Variants in EBF2 observed in about 807,000 individuals in gnomAD.
EBF2 encodes the protein EBF transcription factor 2, also known as transcription factor COE2.
Under a neutral mutation model 72.8 loss-of-function variants are expected in EBF2, and 21 were observed. The observed-to-expected ratio is 0.29, with a 90% CI of 0.20 to 0.42. The LOEUF is 0.42. Among genes scored for constraint, EBF2 ranks in the 10% least tolerant of loss-of-function variants. The pLI is 1.00. For missense variants in EBF2, 637 were observed against 731.2 expected, an observed-to-expected ratio of 0.87 and a Z score of 1.49; for synonymous variants, 299 against 274.2, an observed-to-expected ratio of 1.09 and a Z score of -0.89.
chr8:26,023,726 C>A (rs558906073), intron 6 of EBF2, among the ~76,000 whole-genome samples: 3 of 152,202 alleles, frequency 2.0e-5, no homozygotes, highest in Non-Finnish European at 4.4e-5. Flanking sequence ...ACAAAGAAGA[C>A]ACGTACTCAT....
intron 10 of EBF2, among the ~76,000 whole-genome samples, chr8:25,882,460 T>C (rs975913836): frequency 6.6e-6 from 1 of 152,166 alleles, no homozygotes; most frequent in African/African-American, 2.4e-5. Context: ...GTGGTGAAGT[T>C]TTCAGGAACG....
At chr8:25,989,225 C>T (rs7006324) in intron 6 of EBF2, among the ~76,000 whole-genome samples, 95,270 of 152,052 alleles carry the variant, frequency 0.63, 30,324 homozygotes, top group South Asian at 0.78. Flanking sequence ...TGTGACTCTT[C>T]AGGAATGAGT....
chr8:25,987,735 C>T (rs1431199289), intron 6 of EBF2, among the ~76,000 whole-genome samples: 4 of 152,092 alleles, frequency 2.6e-5, no homozygotes, highest in Admixed American at 6.5e-5. Context: ...ACACAAACTG[C>T]ATAAGAACCC....
chr8:25,996,473 C>A (rs1804633612), intron 6 of EBF2, among the ~76,000 whole-genome samples: 1 of 151,718 alleles, frequency 6.6e-6, no homozygotes, highest in South Asian at 2.1e-4. Flanking sequence ...AAAATCAGAA[C>A]TGCAAATTGA....
rs114361713 is a variant in EBF2, at chr8:26,030,582, G to T, written c.551+2503C>A. On this transcript the variant is annotated intron_variant, in intron 6 of 15. Coordinates refer to ENST00000520164, the MANE Select transcript of EBF2 (RefSeq NM_022659.4). ...CTAAAATTTCAATTAAAAAAAAAAAGCCCTACAATAAGCAAGCCAAACAAA... is the reference window on the plus strand; with the variant it reads ...CTAAAATTTCAATTAAAAAAAAAAATCCCTACAATAAGCAAGCCAAACAAA... 3.0e-3 allele frequency among the ~76,000 whole-genome samples: 458 copies of T among 151,334 alleles called. 3 individuals carry two copies. The highest frequency in any genetic ancestry group is 1.0e-2 in the African/African-American group (411 of 41,156).
At chr8:25,974,322 C>T (rs114380554) in intron 6 of EBF2, among the ~76,000 whole-genome samples, 353 of 152,318 alleles carry the variant, frequency 2.3e-3, no homozygotes, top group African/African-American at 7.7e-3. Flanking sequence ...ATTTGAGCAA[C>T]GAGTGAGTTC....
At chr8:26,006,367 A>C (rs894248692) in intron 6 of EBF2, among the ~76,000 whole-genome samples, 4 of 152,092 alleles carry the variant, frequency 2.6e-5, no homozygotes, top group African/African-American at 9.7e-5. Flanking sequence ...TTGCTAGACA[A>C]CCTCTATAAT....
chr8:26,038,436 G>A (rs1450965316), intron 5 of EBF2, among the ~76,000 whole-genome samples: 3 of 152,232 alleles, frequency 2.0e-5, no homozygotes, highest in South Asian at 2.1e-4. Context: ...AAATAAAAAT[G>A]TCAGTCTTAA....
intron 14 of EBF2, among the ~76,000 whole-genome samples, chr8:25,851,411 T>C (rs1053620073): frequency 6.6e-6 from 1 of 151,864 alleles, no homozygotes; most frequent in Non-Finnish European, 1.5e-5. Context: ...AAAACACCAA[T>C]ATTAGTGATA....
chr8:25,853,665 G>C (rs951587695), intron 14 of EBF2, among the ~76,000 whole-genome samples: 2 of 151,994 alleles, frequency 1.3e-5, no homozygotes, highest in Non-Finnish European at 2.9e-5. Flanking sequence ...AGGTAGTCAC[G>C]ACTGTGCCAA....
chr8:25,989,203 G>C (rs571995337), intron 6 of EBF2, among the ~76,000 whole-genome samples: 31 of 152,190 alleles, frequency 2.0e-4, no homozygotes, highest in Non-Finnish European at 4.3e-4. Context: ...AAACAGAAAA[G>C]GATGAATTAA....
chr8:25,987,406 G>T (rs764798536), intron 6 of EBF2, among the ~76,000 whole-genome samples: 4 of 152,144 alleles, frequency 2.6e-5, no homozygotes, highest in African/African-American at 7.2e-5. Context: ...AGCAGTATGG[G>T]AGCTGACCCC....
At chr8:25,854,043 A>G (rs1280829352) in intron 14 of EBF2, among the ~76,000 whole-genome samples, 1 of 152,152 alleles carries the variant, frequency 6.6e-6, no homozygotes, top group Non-Finnish European at 1.5e-5. Context: ...ATTACTTTTA[A>G]TACATGGTAG....
At chr8:25,954,957 G>A (rs1465427313) in intron 6 of EBF2, among the ~76,000 whole-genome samples, 2 of 152,242 alleles carry the variant, frequency 1.3e-5, no homozygotes, top group Non-Finnish European at 2.9e-5. Flanking sequence ...GGGACCTGGG[G>A]TCTGTGCTGC....
intron 6 of EBF2, among the ~76,000 whole-genome samples, chr8:25,952,150 G>T (rs758793878): frequency 6.6e-6 from 1 of 152,010 alleles, no homozygotes; most frequent in East Asian, 1.9e-4. Context: ...TATTTAATTA[G>T]CCATGCATGG....
intron 6 of EBF2, among the ~76,000 whole-genome samples, chr8:25,928,963 G>A (rs554550310): frequency 2.2e-4 from 34 of 152,242 alleles, no homozygotes; most frequent in Non-Finnish European, 1.5e-4. Flanking sequence ...AAAATCTCAT[G>A]TATTAAGTGC....
chr8:25,935,037 G>A (rs1417452123), intron 6 of EBF2, among the ~76,000 whole-genome samples: 3 of 152,142 alleles, frequency 2.0e-5, no homozygotes, highest in Non-Finnish European at 4.4e-5. Context: ...GTGTGGGTGG[G>A]CAGCGGGCAG....
intron 10 of EBF2, among the ~76,000 whole-genome samples, chr8:25,882,559 A>T (rs561292455): frequency 6.6e-6 from 1 of 152,320 alleles, no homozygotes; most frequent in East Asian, 1.9e-4. Context: ...CCCATGATTT[A>T]AAAAAGAAAA....
At chr8:25,869,693 T>C (rs949947145) in intron 10 of EBF2, among the ~76,000 whole-genome samples, 5 of 152,190 alleles carry the variant, frequency 3.3e-5, no homozygotes, top group Admixed American at 3.3e-4. Flanking sequence ...CTTAGCTTTA[T>C]AATGTCAGCA....
Sources: gnomAD v4.1 joint callset for allele counts (sites outside exome capture counted in the v4.1 genomes callset) on GRCh38, gnomAD v4.1.1 for gene constraint, MANE v1.5 for transcripts, NCBI Gene and HGNC (gene_info 2026-07-23, HGNC 2026-07-21) for gene names.